The following IPO11 variants were observed in gnomAD, a reference collection of about 807,000 sequenced individuals.
The protein encoded by IPO11 is importin-11.
A neutral mutation model predicts 143.2 loss-of-function variants in IPO11; 66 were observed. The ratio of observed to expected loss-of-function variants is 0.46; its 90% CI spans 0.38 to 0.57. The LOEUF (loss-of-function observed/expected upper bound fraction) is 0.57, where lower values mean the gene tolerates loss of function less well. IPO11 is among the 20% of genes least tolerant of loss of function. The probability of loss-of-function intolerance (pLI) is 0.00; values close to 1 mark genes in which losing one functional copy is unlikely to be tolerated. For missense variants in IPO11, 1,026 were observed against 1,141.0 expected, an observed-to-expected ratio of 0.90 and a Z score of 1.45; for synonymous variants, 385 against 377.8, an observed-to-expected ratio of 1.02 and a Z score of -0.22.
At chr5:62,433,324 G>C (rs1197406003) in intron 1 of IPO11, among the ~76,000 whole-genome samples, 2 of 152,102 alleles carry the variant, frequency 1.3e-5, no homozygotes, top group Non-Finnish European at 2.9e-5. Flanking sequence ...TGATAAATCT[G>C]TTAGTAGCAG....
At chr5:62,620,517 TAAAAAAAAAAAA>T (rs71608518) in intron 29 of IPO11, among the ~76,000 whole-genome samples, 2 of 105,806 alleles carry the variant, frequency 1.9e-5, no homozygotes, top group Non-Finnish European at 3.8e-5. Context: ...AGACTCTGTC[TAAAAAAAAAAAA>T]AAAAAAAAAA....
chr5:62,430,564 T>C (rs906943152), intron 1 of IPO11, among the ~76,000 whole-genome samples: 1 of 151,704 alleles, frequency 6.6e-6, no homozygotes, highest in Admixed American at 6.6e-5. Context: ...TCAGGCAAAC[T>C]GCCCGCCTCA....
chr5:62,598,418 TTCTTTCTTTCTTTCTCTCTC>T (rs1561380530), intron 28 of IPO11, among the ~76,000 whole-genome samples: 3 of 9,412 alleles, frequency 3.2e-4, no homozygotes, highest in East Asian at 5.7e-3. Context: ...CTTTCTTTCT[TTCTTTCTTTCTTTCTCTCTC>T]TCTCTCTCTC....
intron 20 of IPO11, among the ~76,000 whole-genome samples, chr5:62,517,186 A>C (rs1450643542): frequency 1.5e-5 from 2 of 131,648 alleles, no homozygotes; most frequent in Non-Finnish European, 3.2e-5. Flanking sequence ...CGACAGAGCA[A>C]GACTCCGTCT....
intron 5 of IPO11, among the ~76,000 whole-genome samples, chr5:62,456,112 T>C (rs1745142327): frequency 6.6e-6 from 1 of 152,046 alleles, no homozygotes; most frequent in Non-Finnish European, 1.5e-5. Context: ...CACTGTAACC[T>C]CCACCTCCCA....
intron 29 of IPO11, among the ~76,000 whole-genome samples, chr5:62,604,914 T>C (rs1305325591): frequency 6.6e-6 from 1 of 152,226 alleles, no homozygotes; most frequent in Non-Finnish European, 1.5e-5. Context: ...TTCACTTATC[T>C]CTTAGAATTA....
At chr5:62,490,006 C>T (rs1283478329) in intron 14 of IPO11, 109 bp from the exon 15 acceptor site, 1 of 484,530 alleles carries the variant, frequency 2.1e-6, no homozygotes, top group Admixed American at 3.5e-5. Context: ...TAAATAATTT[C>T]CCTGATTAGC....
intron 3 of IPO11, among the ~76,000 whole-genome samples, chr5:62,448,789 C>T (rs1744808029): frequency 1.3e-5 from 2 of 152,092 alleles, no homozygotes; most frequent in Non-Finnish European, 2.9e-5. Context: ...GAACTCCTGG[C>T]CCCAAGCAGT....
At chr5:62,619,093 C>G (rs1295327004) in intron 29 of IPO11, among the ~76,000 whole-genome samples, 1 of 152,026 alleles carries the variant, frequency 6.6e-6, no homozygotes, top group Non-Finnish European at 1.5e-5. Context: ...CATGGTATTG[C>G]ACGCCTGTAG....
At chr5:62,442,491 A>G (rs2112143120) in intron 2 of IPO11, among the ~76,000 whole-genome samples, 1 of 152,346 alleles carries the variant, frequency 6.6e-6, no homozygotes, top group Non-Finnish European at 1.5e-5. Flanking sequence ...TCTTATATGA[A>G]TTGTAGAACT....
At chr5:62,484,222 T>C (rs939842143) in intron 11 of IPO11, 60 bp downstream of exon 11, 2 of 1,390,596 alleles carry the variant, frequency 1.4e-6, no homozygotes, top group African/African-American at 2.9e-5. Flanking sequence ...AATATCTGTT[T>C]GAGTGATAGG....
chr5:62,480,069 T>A (rs1428948761), intron 9 of IPO11, among the ~76,000 whole-genome samples: 2 of 152,248 alleles, frequency 1.3e-5, no homozygotes, highest in Non-Finnish European at 2.9e-5. Flanking sequence ...TTTTATGGTT[T>A]TAGGTCTAAC....
intron 22 of IPO11, among the ~76,000 whole-genome samples, chr5:62,532,583 C>T: frequency 6.6e-6 from 1 of 152,186 alleles, no homozygotes. Context: ...CTCTCAAACT[C>T]CTGGCCTAAT....
At chr5:62,562,028 C>A (rs780236475) in intron 27 of IPO11, 2 of 152,220 alleles carry the variant, frequency 1.3e-5, no homozygotes, top group Non-Finnish European at 2.9e-5. Context: ...AGCTTCATAT[C>A]AGTGCACTCA....
intron 1 of IPO11, 65 bp downstream of exon 1, chr5:62,412,994 GT>G (rs1176209774): frequency 8.9e-5 from 1 of 11,224 alleles, no homozygotes; most frequent in Non-Finnish European, 1.3e-4. Flanking sequence ...GGGCACCCGA[GT>G]CCCGAGAGGC....
intron 13 of IPO11, among the ~76,000 whole-genome samples, chr5:62,488,955 A>G (rs1026455866): frequency 7.2e-5 from 11 of 152,206 alleles, no homozygotes; most frequent in African/African-American, 2.7e-4. Context: ...GTGAACTGAG[A>G]AAACCTCACT....
At chr5:62,458,621 A>G (rs187689388) in intron 5 of IPO11, among the ~76,000 whole-genome samples, 314 of 152,270 alleles carry the variant, frequency 2.1e-3, no homozygotes, top group African/African-American at 7.1e-3. Flanking sequence ...TTTTAAGTGC[A>G]TTATTTAAAG....
At chr5:62,551,937 A>G (rs1185970997) in intron 26 of IPO11, among the ~76,000 whole-genome samples, 1 of 152,064 alleles carries the variant, frequency 6.6e-6, no homozygotes, top group Non-Finnish European at 1.5e-5. Context: ...ATCCTGGCTA[A>G]CACAGTGAAA....
At chr5:62,521,573 G>A (rs959116540) in intron 20 of IPO11, among the ~76,000 whole-genome samples, 15 of 152,002 alleles carry the variant, frequency 9.9e-5, no homozygotes, top group Non-Finnish European at 2.2e-4. Flanking sequence ...ACACTTGGTG[G>A]ACATTTCAGG....
Sources: gnomAD v4.1 joint callset for allele counts (sites outside exome capture counted in the v4.1 genomes callset) on GRCh38, gnomAD v4.1.1 for gene constraint, MANE v1.5 for transcripts, NCBI Gene and HGNC (gene_info 2026-07-23, HGNC 2026-07-21) for gene names.